The following RARS1 variants were observed in gnomAD, a reference collection of about 807,000 sequenced individuals.
RARS1 encodes the protein arginyl-tRNA synthetase 1, also known as arginine--tRNA ligase, cytoplasmic.
In RARS1, 75 loss-of-function variants were observed where a neutral mutation model predicts 78.7. That is an observed-to-expected ratio of 0.95 (90% CI 0.79 to 1.15). The LOEUF (loss-of-function observed/expected upper bound fraction) is 1.15, where lower values mean the gene tolerates loss of function less well. Ranked by LOEUF, RARS1 falls within the 50% of genes most tolerant of loss-of-function variation. The pLI, the probability that RARS1 is intolerant of heterozygous loss-of-function variation, is 0.00. For missense variants in RARS1, 787 were observed against 787.5 expected (o/e 1.00, Z 0.01); for synonymous variants, 273 against 268.2 (o/e 1.02, Z -0.18).
At chr5:168,513,677 G>A (rs1175157160) in intron 12 of RARS1, among the ~76,000 whole-genome samples, 1 of 152,006 alleles carries the variant, frequency 6.6e-6, no homozygotes, top group African/African-American at 2.4e-5. Context: ...TGAAGAGTCT[G>A]TTAACTCTTT....
At chr5:168,489,812 CTTTTTTTTTTTT>C (rs35560247) in intron 2 of RARS1, among the ~76,000 whole-genome samples, 1 of 130,320 alleles carries the variant, frequency 7.7e-6, no homozygotes, top group Non-Finnish European at 1.6e-5. Flanking sequence ...CTCATATTAT[CTTTTTTTTTTTT>C]TTTTTTTGAG....
rs1758339153 is a variant in RARS1 at position 168,502,121 on chromosome 5, T to A, written c.1057+16T>A. On this transcript the variant is annotated intron_variant, in intron 9 of 14. Transcript: ENST00000231572. ...GAAGATAGAGGTAGGCACTCTTCTT[T>A]TAACTTTTTATTATGGAAATTTTCA... The A allele has an allele frequency of 6.3e-7, 1 of 1,575,572 alleles. No homozygotes were observed.
intron 1 of RARS1, 143 bp from the exon 2 acceptor site, chr5:168,488,459 G>T (rs998401013): frequency 2.1e-6 from 2 of 961,558 alleles, no homozygotes; most frequent in East Asian, 5.1e-5. Context: ...ATATGCTAAC[G>T]TCAGCAAAAA....
chr5:168,517,043 C>G, intron 13 of RARS1, 93 bp downstream of exon 13: 1 of 1,326,756 alleles, frequency 7.5e-7, no homozygotes, highest in South Asian at 1.4e-5. Flanking sequence ...TGAAATGAGA[C>G]GGGGTCTTGG....
At chr5:168,494,230 T>G (rs1228432905) in intron 4 of RARS1, 1 of 984,554 alleles carries the variant, frequency 1.0e-6, no homozygotes, top group Non-Finnish European at 1.2e-6. Flanking sequence ...GATTCAGTTT[T>G]TCATCAGCAA....
chr5:168,503,616 G>GT (rs1758374117), intron 9 of RARS1, among the ~76,000 whole-genome samples: 2 of 150,946 alleles, frequency 1.3e-5, no homozygotes, highest in Non-Finnish European at 3.0e-5. Context: ...AACCCCTTTG[G>GT]TAGTTAGTTA....
In RARS1 at chr5:168,518,076, T is replaced by TG; in HGVS notation, c.1873+14_1873+15insG. 1 of 1,267,786 alleles carries TG rather than the reference T, an allele frequency of 7.9e-7. No homozygotes were observed. Among genetic ancestry groups the TG allele is most frequent in the Non-Finnish European group, 1.0e-6 (1 of 977,936 alleles). The allele number at this position is 1,267,786 out of a possible 1,614,324, so 78.5% of individuals were successfully genotyped here. ...ATAGACAGACTGGTGAGTGTCTTTT[T>TG]TTTTTTTTTTTTTTTTTTTAGTGAG... On this transcript the variant is annotated intron_variant, in intron 14 of 14. Transcript: ENST00000231572.
At chr5:168,507,571 T>C (rs111573970) in intron 11 of RARS1, among the ~76,000 whole-genome samples, 2,327 of 152,282 alleles carry the variant, frequency 0.015, 49 homozygotes, top group African/African-American at 0.053. Context: ...ATGAAGTAGC[T>C]CAAGATGTTT....
chr5:168,513,583 T>C (rs926543603), intron 12 of RARS1, among the ~76,000 whole-genome samples: 3 of 152,178 alleles, frequency 2.0e-5, no homozygotes, highest in African/African-American at 7.2e-5. Flanking sequence ...GCTCTCAAAG[T>C]GCTGGGATTA....
intron 10 of RARS1, 121 bp downstream of exon 10, chr5:168,506,320 C>A: frequency 1.2e-6 from 1 of 832,982 alleles, no homozygotes; most frequent in Non-Finnish European, 1.8e-6. Context: ...AGATTCAGGA[C>A]ATCAGTATAG....
intron 1 of RARS1, among the ~76,000 whole-genome samples, chr5:168,487,556 A>G (rs775921515): frequency 1.1e-4 from 17 of 152,194 alleles, no homozygotes; most frequent in Non-Finnish European, 1.8e-4. Context: ...ATTTATCGGT[A>G]TGTATTTATC....
Position 168,511,447 on chromosome 5 carries a change from C to T in RARS1, c.1452+761C>T, listed in dbSNP as rs113440432. Among the ~76,000 whole-genome samples the T allele has an allele frequency of 4.6e-3, 707 of 152,068 alleles. 5 individuals are homozygous for T. The highest frequency in any genetic ancestry group is 7.6e-3 in the Non-Finnish European group (517 of 67,966). ...GAGTAGGGGGAGAAGGTGCCACACT[C>T]TTAAATGACCAGATCTCACAACAAC... is the stretch of plus-strand genomic sequence containing the variant. On this transcript the variant is annotated intron_variant, in intron 12 of 14. Transcript: ENST00000231572.
intron 11 of RARS1, among the ~76,000 whole-genome samples, chr5:168,507,680 C>CTTG (rs1758475138): frequency 6.6e-6 from 1 of 152,144 alleles, no homozygotes; most frequent in Non-Finnish European, 1.5e-5. Context: ...GCTCAAAGAC[C>CTTG]TTGTTGGGAA....
intron 11 of RARS1, 141 bp from the exon 12 acceptor site, chr5:168,510,440 G>T: frequency 1.5e-6 from 1 of 665,800 alleles, no homozygotes; most frequent in South Asian, 1.8e-5. Context: ...TCTCTTAATA[G>T]TTCTCAGGGG....
At position 168,500,576 on chromosome 5, in the gene RARS1, T is replaced by TAC. The variant is rs1758298175; in HGVS notation, c.823-14_823-13insCA. ...TTTTTACACACCTTACTTTTTAAAA[T>TAC]ATATATATATACAGGAATCTAAGAA... is the stretch of plus-strand genomic sequence containing the variant. On this transcript the variant is annotated splice_polypyrimidine_tract_variant and intron_variant, in intron 7 of 14. Transcript: ENST00000231572. The TAC allele has an allele frequency of 7.3e-7, 1 of 1,377,564 alleles. No individual in the cohort carries two copies. Among genetic ancestry groups the TAC allele is most frequent in the South Asian group, 1.7e-5 (1 of 58,160 alleles). The allele number at this position is 1,377,564 out of a possible 1,614,324, so 85.3% of individuals were successfully genotyped here.
Position 168,508,775 on chromosome 5 carries a change from GCTATTCC to G in RARS1, c.1347-1805_1347-1799del, listed in dbSNP as rs1266877856. On this transcript the variant is annotated intron_variant, in intron 11 of 14. Coordinates refer to ENST00000231572, the MANE Select transcript of RARS1 (RefSeq NM_002887.4). Reference sequence around the variant, plus strand: ...TTTTTTTTAATTTCATCATCTTCCTGCTATTCCTTGTACATCTGTTTATTGAGGATGT... The same window carrying G: ...TTTTTTTTAATTTCATCATCTTCCTGTTGTACATCTGTTTATTGAGGATGT... Among the ~76,000 whole-genome samples, 191 of 151,788 alleles carry G rather than the reference GCTATTCC, an allele frequency of 1.3e-3. 1 individual carries two copies. The highest frequency in any genetic ancestry group is 4.2e-3 in the African/African-American group (175 of 41,364).
intron 11 of RARS1, among the ~76,000 whole-genome samples, chr5:168,507,214 A>G (rs1758466410): frequency 6.6e-6 from 1 of 152,218 alleles, no homozygotes; most frequent in Non-Finnish European, 1.5e-5. Flanking sequence ...CATAGGCAAA[A>G]GGTATAAGTT....
intron 12 of RARS1, among the ~76,000 whole-genome samples, chr5:168,515,680 T>G (rs1163426472): frequency 1.3e-5 from 2 of 152,232 alleles, no homozygotes; most frequent in Non-Finnish European, 2.9e-5. Flanking sequence ...CCTGTATGAC[T>G]AGGGTGAGGT....
chr5:168,514,195 G>A (rs973851664), intron 12 of RARS1, among the ~76,000 whole-genome samples: 1 of 151,986 alleles, frequency 6.6e-6, no homozygotes, highest in African/African-American at 2.4e-5. Context: ...TGTGGTTTGG[G>A]GAGTCATTTT....
Sources: gnomAD v4.1 joint callset for allele counts (sites outside exome capture counted in the v4.1 genomes callset) on GRCh38, gnomAD v4.1.1 for gene constraint, MANE v1.5 for transcripts, NCBI Gene and HGNC (gene_info 2026-07-23, HGNC 2026-07-21) for gene names.